The following CRLS1 variants were observed in gnomAD, a reference collection of about 807,000 sequenced individuals.
The protein encoded by CRLS1 is cardiolipin synthase (CMP-forming).
A neutral mutation model predicts 37.0 loss-of-function variants in CRLS1; 24 were observed. The ratio of observed to expected loss-of-function variants is 0.65; its 90% CI spans 0.47 to 0.91. CRLS1 has a LOEUF of 0.91. Among genes scored for constraint, CRLS1 ranks in the 40% least tolerant of loss-of-function variants. The pLI is 0.00. For missense variants in CRLS1, 373 were observed against 395.8 expected (o/e 0.94, Z 0.49); for synonymous variants, 135 against 159.7 (o/e 0.85, Z 1.17).
At chr20:6,015,087 C>T (rs1346630744) in intron 2 of CRLS1, among the ~76,000 whole-genome samples, 1 of 151,772 alleles carries the variant, frequency 6.6e-6, no homozygotes, top group African/African-American at 2.4e-5. Context: ...TGGGTTCATC[C>T]CACAAAGGGG....
intron 3 of CRLS1, among the ~76,000 whole-genome samples, chr20:6,017,046 CA>C (rs1162418731): frequency 8.6e-5 from 13 of 151,996 alleles, no homozygotes; most frequent in African/African-American, 2.9e-4. Context: ...GGCTGGAGTG[CA>C]GTGGTGCAAT....
At position 6,027,082 on chromosome 20, in the gene CRLS1, ATTT is replaced by A. The variant is rs11361547; in HGVS notation, c.575-4186_575-4184del. On this transcript the variant is annotated intron_variant, in intron 3 of 6. Coordinates refer to ENST00000378863, the MANE Select transcript of CRLS1 (RefSeq NM_019095.6). ...TTTACTTATAGACACTGGAAATTGA[ATTT>A]TTTTTTTTTTTTTTTTGAGAAGGAG... Among the ~76,000 whole-genome samples the A allele has an allele frequency of 4.4e-3, 562 of 128,458 alleles. 3 individuals carry two copies. Among genetic ancestry groups the A allele is most frequent in the African/African-American group, 0.015 (513 of 33,360 alleles). 84.3% of individuals were successfully genotyped at this position (128,458 alleles called of 152,430 possible).
intron 3 of CRLS1, among the ~76,000 whole-genome samples, chr20:6,027,531 C>T (rs1448525613): frequency 6.6e-6 from 1 of 152,126 alleles, no homozygotes; most frequent in Non-Finnish European, 1.5e-5. Context: ...TATTGTGCTT[C>T]AGCCTCCTGA....
In CRLS1 at chr20:6,037,036, CT is replaced by C. The variant is rs748511010; in HGVS notation, c.822-36del. ...ATTCCCGTTGCTACTATTTTTTAGA[CT>C]TGACAACTACATTTTATTTCTTTTC... On this transcript the variant is annotated intron_variant, in intron 6 of 6. Coordinates refer to ENST00000378863, the MANE Select transcript of CRLS1 (RefSeq NM_019095.6). 11 of 1,453,856 alleles carry C rather than the reference CT, an allele frequency of 7.6e-6. No individual in the cohort carries two copies. The African/African-American group carries it at 1.3e-4, about 17-fold the overall frequency. 90.1% of individuals were successfully genotyped at this position (1,453,856 alleles called of 1,614,324 possible). A position where few individuals can be genotyped will look rare whatever the true frequency, so the allele number is the denominator to read the frequency against.
Position 6,038,937 on chromosome 20 carries a change from A to T in CRLS1, c.*1779A>T, listed in dbSNP as rs1350347339. On this transcript the variant is annotated 3_prime_UTR_variant, in exon 7 of 7. Coordinates refer to ENST00000378863, the MANE Select transcript of CRLS1 (RefSeq NM_019095.6). The stretch of plus-strand genomic sequence containing the variant: ...AGTCTCCTCAGGCTTTTGGATACTG[A>T]ATTGTTATAAAACACATCAATTCTG... 2.0e-5 allele frequency: 3 copies of T among 152,218 alleles called. No individual in the cohort carries two copies. The highest frequency in any genetic ancestry group is 4.8e-5 in the African/African-American group (2 of 41,454). The allele number at this position is 152,218 out of a possible 1,614,324, so 9.4% of individuals were successfully genotyped here.
chr20:6,033,428 G>A (rs1191144727), intron 5 of CRLS1, among the ~76,000 whole-genome samples: 9 of 151,988 alleles, frequency 5.9e-5, no homozygotes, highest in Non-Finnish European at 1.2e-4. Context: ...GAGCCACTGC[G>A]CCTGGCTATT....
chr20:6,014,006 C>T (rs1185409063), intron 2 of CRLS1, among the ~76,000 whole-genome samples: 3 of 152,182 alleles, frequency 2.0e-5, no homozygotes, highest in Non-Finnish European at 4.4e-5. Flanking sequence ...TGAACTAAAC[C>T]TGATCTTCCA....
At chr20:6,014,401 G>C (rs1978579823) in intron 2 of CRLS1, among the ~76,000 whole-genome samples, 1 of 152,148 alleles carries the variant, frequency 6.6e-6, no homozygotes, top group African/African-American at 2.4e-5. Flanking sequence ...CAACTTACTT[G>C]TTCTTTAAAA....
chr20:6,023,012 C>G (rs890070541), intron 3 of CRLS1, among the ~76,000 whole-genome samples: 4 of 152,138 alleles, frequency 2.6e-5, no homozygotes, highest in African/African-American at 9.7e-5. Context: ...CATTACCTGT[C>G]TCTGTAGCTG....
At chr20:6,029,593 C>T (rs759620288) in intron 3 of CRLS1, among the ~76,000 whole-genome samples, 4 of 152,070 alleles carry the variant, frequency 2.6e-5, no homozygotes, top group East Asian at 1.9e-4. Flanking sequence ...TCCTGACCTC[C>T]GGTGATCTGC....
In CRLS1 at chr20:6,032,090, T is replaced by G. The variant is rs1263468303; in HGVS notation, c.729+10T>G. The G allele has an allele frequency of 1.3e-6, 2 of 1,595,922 alleles. No individual in the cohort carries two copies. Among genetic ancestry groups the G allele is most frequent in the Non-Finnish European group, 1.7e-6 (2 of 1,164,104 alleles). On this transcript the variant is annotated intron_variant, in intron 5 of 6. Coordinates refer to ENST00000378863, the MANE Select transcript of CRLS1 (RefSeq NM_019095.6). ...AACATTCATCAGCAAGGTAAGAGAA[T>G]GCAATGTTCTTTGAAGTTATTCCTT... is the stretch of plus-strand genomic sequence containing the variant.
Position 6,011,572 on chromosome 20 carries a change from C to CTTTTTTTTTTTTTT in CRLS1, c.444+1681_444+1694dup. ...TCTTTCTCCTTTTCTTTTGTCCCTG[C>CTTTTTTTTTTTTTT]TTTTTTTTTTTTTTTTTTTTTTTTT... On this transcript the variant is annotated intron_variant, in intron 2 of 6. Coordinates refer to ENST00000378863, the MANE Select transcript of CRLS1 (RefSeq NM_019095.6). Among the ~76,000 whole-genome samples, 66 of 27,846 alleles carry CTTTTTTTTTTTTTT rather than the reference C, an allele frequency of 2.4e-3. 14 individuals carry two copies. Among genetic ancestry groups the CTTTTTTTTTTTTTT allele is most frequent in the Non-Finnish European group, 2.9e-3 (40 of 13,844 alleles). The allele number at this position is 27,846 out of a possible 152,430, so 18.3% of individuals were successfully genotyped here.
At chr20:6,010,987 A>C (rs1282817617) in intron 2 of CRLS1, among the ~76,000 whole-genome samples, 1 of 152,076 alleles carries the variant, frequency 6.6e-6, no homozygotes, top group African/African-American at 2.4e-5. Flanking sequence ...ACTGTACTCT[A>C]GCCTGGGTGA....
intron 5 of CRLS1, 145 bp from the exon 6 acceptor site, chr20:6,034,319 T>C: frequency 1.7e-6 from 1 of 601,420 alleles, no homozygotes; most frequent in South Asian, 2.0e-5. Flanking sequence ...AATGCAAGCT[T>C]ATTGGGCAGG....
At chr20:6,035,516 A>G (rs1295413261) in intron 6 of CRLS1, among the ~76,000 whole-genome samples, 1 of 150,422 alleles carries the variant, frequency 6.6e-6, no homozygotes, top group Non-Finnish European at 1.5e-5. Context: ...TTTTTCCCCT[A>G]GGAACCCATG....
At chr20:6,027,892 C>T (rs1482784191) in intron 3 of CRLS1, among the ~76,000 whole-genome samples, 1 of 152,222 alleles carries the variant, frequency 6.6e-6, no homozygotes, top group Non-Finnish European at 1.5e-5. Context: ...ATATGGACTT[C>T]TGAGTTTCTC....
chr20:6,009,713 A>G (rs1395131478), intron 1 of CRLS1, 62 bp from the exon 2 acceptor site: 1 of 1,392,096 alleles, frequency 7.2e-7, no homozygotes, highest in Admixed American at 1.9e-5. Context: ...ATGTATGTAT[A>G]TAGTTATTCA....
At chr20:6,029,731 G>A (rs1388984861) in intron 3 of CRLS1, among the ~76,000 whole-genome samples, 1 of 152,132 alleles carries the variant, frequency 6.6e-6, no homozygotes, top group Non-Finnish European at 1.5e-5. Context: ...TTGTTTACCG[G>A]TACAAAAATG....
intron 3 of CRLS1, among the ~76,000 whole-genome samples, chr20:6,024,699 C>T (rs924736040): frequency 6.6e-6 from 1 of 152,170 alleles, no homozygotes; most frequent in Non-Finnish European, 1.5e-5. Flanking sequence ...TGCCAAATAG[C>T]TAGCCAAGTT....
Sources: allele counts gnomAD v4.1 joint callset (sites outside exome capture counted in the v4.1 genomes callset), GRCh38; gene constraint gnomAD v4.1.1; transcripts MANE v1.5; gene names NCBI Gene and HGNC (gene_info 2026-07-23, HGNC 2026-07-21).